Variants in SENP1 observed in about 807,000 individuals in gnomAD.
SENP1 encodes the protein SUMO specific peptidase 1.
A neutral mutation model predicts 93.0 loss-of-function variants in SENP1; 21 were observed. The observed-to-expected ratio is 0.23, with a 90% CI of 0.16 to 0.33. SENP1 has a LOEUF of 0.33. Ranked by LOEUF, SENP1 falls within the 10% of genes least tolerant of loss-of-function variation. The probability of loss-of-function intolerance (pLI) is 1.00; values close to 1 mark genes in which losing one functional copy is unlikely to be tolerated. For synonymous variants in SENP1, 256 were observed against 259.6 expected, an observed-to-expected ratio of 0.99 and a Z score of 0.13; for missense variants, 591 against 758.7, an observed-to-expected ratio of 0.78 and a Z score of 2.60.
intron 4 of SENP1, among the ~76,000 whole-genome samples, chr12:48,093,148 C>T (rs1013128524): frequency 2.0e-5 from 3 of 152,062 alleles, no homozygotes. Context: ...TGTAAGAGCA[C>T]TCTGTAATCA....
chr12:48,076,351 G>T (rs922504847), intron 6 of SENP1, among the ~76,000 whole-genome samples: 1 of 152,004 alleles, frequency 6.6e-6, no homozygotes, highest in Admixed American at 6.6e-5. Context: ...GGATAGTCTC[G>T]ATCTCCTGAC....
intron 6 of SENP1, among the ~76,000 whole-genome samples, chr12:48,081,160 T>C (rs535196287): frequency 2.2e-4 from 33 of 152,306 alleles, no homozygotes; most frequent in African/African-American, 7.7e-4. Context: ...GCTGTCATGC[T>C]GCTGTTGTCT....
intron 6 of SENP1, among the ~76,000 whole-genome samples, chr12:48,078,344 T>TAC (rs1221831175): frequency 0.019 from 1,677 of 87,622 alleles, 49 homozygotes; most frequent in African/African-American, 0.044. Context: ...TACACACACA[T>TAC]ATATATATAC....
chr12:48,096,516 C>A, intron 3 of SENP1, 89 bp from the exon 4 acceptor site: 3 of 752,928 alleles, frequency 4.0e-6, no homozygotes, highest in South Asian at 1.6e-5. Flanking sequence ...AGTACACCGG[C>A]ACAATCTCTG....
intron 14 of SENP1, 36 bp from the exon 15 acceptor site, chr12:48,048,116 A>G (rs548676193): frequency 7.2e-7 from 1 of 1,394,476 alleles, no homozygotes; most frequent in African/African-American, 1.4e-5. Context: ...TGTTTATGAG[A>G]TGAAGAAAAT....
intron 6 of SENP1, chr12:48,080,539 A>T (rs1483379396): frequency 2.6e-5 from 4 of 152,376 alleles, no homozygotes; most frequent in African/African-American, 7.2e-5. Flanking sequence ...AGGTTAATAC[A>T]TCTTCCTTTA....
intron 6 of SENP1, among the ~76,000 whole-genome samples, 177 bp downstream of exon 6, chr12:48,083,414 C>T (rs886589): frequency 0.4 from 60,590 of 152,006 alleles, 12,928 homozygotes; most frequent in East Asian, 0.83. Flanking sequence ...TGCTAAAACA[C>T]CTCTTTAATC....
chr12:48,076,676 C>T (rs935798732), intron 6 of SENP1, among the ~76,000 whole-genome samples: 2 of 148,328 alleles, frequency 1.3e-5, no homozygotes, highest in Non-Finnish European at 3.0e-5. Context: ...CGGAGTCTCA[C>T]TCTGTCACCA....
intron 1 of SENP1, among the ~76,000 whole-genome samples, chr12:48,104,665 A>G (rs965362680): frequency 6.6e-6 from 1 of 152,154 alleles, no homozygotes; most frequent in Non-Finnish European, 1.5e-5. Context: ...CAGGTACCGC[A>G]AGACAGTAGA....
chr12:48,096,386 T>C lies in SENP1; in HGVS notation c.177A>G (p.Thr59=), dbSNP rs377257927. ...TATAAGCTGCACTTCTTGTGGAACA[T>C]GTAAAAGATCGGTCCAAATGTCCTT... The part of the protein sequence containing the change: ...SRQGHLDRSF[T]CSTRSAAYNP... The change falls in exon 4 of 18, where the codon ACA becomes ACG. Residue 59 remains threonine, a synonymous_variant. Coordinates refer to ENST00000549518, the MANE Select transcript of SENP1 (RefSeq NM_001267594.2). 25 of 1,611,036 alleles carry C rather than the reference T, an allele frequency of 1.6e-5. No homozygotes were observed. The highest frequency in any genetic ancestry group is 1.5e-4 in the African/African-American group (11 of 74,860).
chr12:48,053,816 G>T (rs994410704), intron 13 of SENP1, among the ~76,000 whole-genome samples: 1 of 152,126 alleles, frequency 6.6e-6, no homozygotes, highest in African/African-American at 2.4e-5. Context: ...CTATGAGTTT[G>T]TTCCTCATTG....
intron 16 of SENP1, 26 bp from the exon 17 acceptor site, chr12:48,046,477 G>C (rs1227615173): frequency 6.9e-7 from 1 of 1,439,354 alleles, no homozygotes; most frequent in African/African-American, 1.4e-5. Context: ...CAAAAAAAAT[G>C]ACATCTTTCC....
chr12:48,058,546 C>A (rs886773845), intron 13 of SENP1, among the ~76,000 whole-genome samples: 1 of 134,858 alleles, frequency 7.4e-6, no homozygotes, highest in African/African-American at 2.5e-5. Flanking sequence ...CTTTAACGTA[C>A]AGTCTTCCTT....
intron 1 of SENP1, among the ~76,000 whole-genome samples, chr12:48,104,823 G>A (rs1321539804): frequency 6.6e-6 from 1 of 152,206 alleles, no homozygotes; most frequent in East Asian, 1.9e-4. Flanking sequence ...CAACTCATTA[G>A]ATGAGTGACA....
chr12:48,102,810 CA>C (rs1221712691), intron 1 of SENP1, among the ~76,000 whole-genome samples: 20,992 of 83,134 alleles, frequency 0.25, 1,241 homozygotes, highest in African/African-American at 0.36. Flanking sequence ...GACTCCGTCT[CA>C]AAAAAAAAAA....
chr12:48,062,168 T>C (rs530937970), intron 13 of SENP1, among the ~76,000 whole-genome samples: 1 of 152,238 alleles, frequency 6.6e-6, no homozygotes, highest in African/African-American at 2.4e-5. Context: ...TGCTGCCCTC[T>C]AGGAGGTTTT....
At chr12:48,105,807 T>C (rs1946508807) in intron 1 of SENP1, 1 of 592,340 alleles carries the variant, frequency 1.7e-6, no homozygotes, top group Non-Finnish European at 3.0e-6. Flanking sequence ...AGGAACGGCC[T>C]CAGGTAGCCT....
chr12:48,069,089 G>A (rs1943491644), intron 9 of SENP1, among the ~76,000 whole-genome samples: 1 of 144,146 alleles, frequency 6.9e-6, no homozygotes, highest in South Asian at 2.2e-4. Context: ...GGAGGCGGAG[G>A]TTGCAGTGAG....
rs1324977248 is a variant in SENP1 at position 48,056,459 on chromosome 12, TAC to T, written c.1407+7249_1407+7250del. Among the ~76,000 whole-genome samples the T allele has an allele frequency of 1.4e-4, 15 of 108,110 alleles. No homozygotes were observed. In the East Asian group the frequency reaches 2.6e-3, roughly 19 times the overall value. The allele number at this position is 108,110 out of a possible 152,430, so 70.9% of individuals were successfully genotyped here. On this transcript the variant is annotated intron_variant, in intron 13 of 17. Coordinates refer to ENST00000549518, the MANE Select transcript of SENP1 (RefSeq NM_001267594.2). ...TATAATTATTTAATATATTACATATTACATATATAAATATATTATTTAATATA... is the reference window on the plus strand; with the variant it reads ...TATAATTATTTAATATATTACATATTATATATAAATATATTATTTAATATA...
Sources: gnomAD v4.1 joint callset for allele counts (sites outside exome capture counted in the v4.1 genomes callset) on GRCh38, gnomAD v4.1.1 for gene constraint, MANE v1.5 for transcripts, NCBI Gene and HGNC (gene_info 2026-07-23, HGNC 2026-07-21) for gene names.